PCYT1A: variants seen among roughly 807,000 people sequenced by gnomAD.
PCYT1A encodes phosphate cytidylyltransferase 1A, choline.
In PCYT1A, 25 loss-of-function variants were observed where a neutral mutation model predicts 43.7. The observed-to-expected ratio is 0.57, with a 90% confidence interval of 0.42 to 0.80. The LOEUF (loss-of-function observed/expected upper bound fraction) is 0.80. Among genes scored for constraint, PCYT1A ranks in the 30% least tolerant of loss-of-function variants. The pLI is 0.00. For synonymous variants in PCYT1A, 172 were observed against 170.7 expected (o/e 1.01, Z -0.06); for missense variants, 421 against 474.2 (o/e 0.89, Z 1.04).
intron 2 of PCYT1A, among the ~76,000 whole-genome samples, chr3:196,269,763 G>GA (rs563386052): frequency 6.6e-6 from 1 of 152,072 alleles, no homozygotes; most frequent in Non-Finnish European, 1.5e-5. Flanking sequence ...GATAGAGGGA[G>GA]AAAAAACAGC....
intron 5 of PCYT1A, among the ~76,000 whole-genome samples, chr3:196,243,681 A>G (rs992312398): frequency 4.6e-5 from 7 of 152,290 alleles, no homozygotes; most frequent in South Asian, 4.1e-4. Context: ...TTGCAGGCGC[A>G]CGCCGCCACG....
chr3:196,241,578 G>A lies in PCYT1A; in HGVS notation c.708+370C>T, dbSNP rs188709567. ...AGGTCTGTGTGGGAAGTGGTGTGTC[G>A]GGTGTCACTATCCACACGAGGAGGG... On this transcript the variant is annotated intron_variant, in intron 7 of 8. Transcript: ENST00000431016. 1,897 of 1,302,114 alleles carry A rather than the reference G, an allele frequency of 1.5e-3. 1 individual carries two copies. The highest frequency in any genetic ancestry group is 1.8e-3 in the Non-Finnish European group (1,831 of 997,098). The allele number at this position is 1,302,114 out of a possible 1,614,324, so 80.7% of individuals were successfully genotyped here.
chr3:196,283,031 A>G (rs966905967), intron 1 of PCYT1A, among the ~76,000 whole-genome samples: 1 of 152,198 alleles, frequency 6.6e-6, no homozygotes, highest in African/African-American at 2.4e-5. Context: ...TTGTGGTACA[A>G]GAGAATTCCC....
chr3:196,241,731 C>A, intron 7 of PCYT1A: 1 of 1,339,750 alleles, frequency 7.5e-7, no homozygotes, highest in Non-Finnish European at 1.0e-6. Flanking sequence ...ATTTAGTTGG[C>A]TGTATGGCTT....
At chr3:196,267,642 A>C (rs1458850432) in intron 2 of PCYT1A, among the ~76,000 whole-genome samples, 1 of 152,040 alleles carries the variant, frequency 6.6e-6, no homozygotes, top group Non-Finnish European at 1.5e-5. Flanking sequence ...GTTTGAGCCC[A>C]GAAAGTTGAG....
Position 196,242,060 on chromosome 3 carries a change from C to T in PCYT1A, c.596G>A (p.Gly199Asp), listed in dbSNP as rs1295174913. ...GMFAPTQRTE[G>D]ISTSDIITRI... ...GGTGATGATGTCTGATGTGGAGATA[C>T]CTTCTGTCCTCTGTGTTGGAGCAAA... The change falls in exon 7 of 9, where the codon GGT becomes GAT. Residue 199 changes from glycine (G) to aspartate (D), a missense_variant. Gly to Asp is a moderately conservative substitution (Grantham distance 94). This residue lies in a region of PCYT1A where 174 missense variants were observed against 270.7 expected (regional missense o/e 0.64). Transcript: ENST00000431016. The surrounding 1 kb of genome is among the most constrained non-coding windows in gnomAD (Gnocchi z 4.2). 2 of 1,614,082 alleles carry T rather than the reference C, an allele frequency of 1.2e-6. No homozygotes were observed. The highest frequency in any genetic ancestry group is 8.5e-7 in the Non-Finnish European group (1 of 1,180,010).
chr3:196,278,825 C>T (rs1259917367), intron 1 of PCYT1A, among the ~76,000 whole-genome samples: 1 of 151,484 alleles, frequency 6.6e-6, no homozygotes, highest in Non-Finnish European at 1.5e-5. Context: ...ACTAAAAAGA[C>T]AAATAATTAG....
intron 3 of PCYT1A, among the ~76,000 whole-genome samples, chr3:196,253,686 C>T (rs1724869264): frequency 6.6e-6 from 1 of 152,154 alleles, no homozygotes; most frequent in Non-Finnish European, 1.5e-5. Context: ...CTCTCCAGTG[C>T]TTCCCCAGCC....
chr3:196,242,175 TC>T lies in PCYT1A; in HGVS notation c.566-86del. On this transcript the variant is annotated intron_variant, in intron 6 of 8. Coordinates refer to ENST00000431016, the MANE Select transcript of PCYT1A (RefSeq NM_001312673.2). The surrounding 1 kb of genome is among the most constrained non-coding windows in gnomAD (Gnocchi z 4.2). Reference sequence around the variant, plus strand: ...ACTAAATGGAAATTGGGGGCAACATTCCTTTCCTTTCCTCAAAAAGCAGAAT... The same window carrying T: ...ACTAAATGGAAATTGGGGGCAACATTCTTTCCTTTCCTCAAAAAGCAGAAT... 7.7e-7 allele frequency: 1 copy of T among 1,296,160 alleles called. No homozygotes were observed. The highest frequency in any genetic ancestry group is 1.1e-6 in the Non-Finnish European group (1 of 904,434). The allele number at this position is 1,296,160 out of a possible 1,614,324, so 80.3% of individuals were successfully genotyped here.
At chr3:196,254,269 A>G (rs1724890092) in intron 3 of PCYT1A, among the ~76,000 whole-genome samples, 1 of 151,658 alleles carries the variant, frequency 6.6e-6, no homozygotes, top group Non-Finnish European at 1.5e-5. Flanking sequence ...CTTATGATCC[A>G]CCCACCTCAG....
At chr3:196,272,955 G>A (rs1255054613) in intron 1 of PCYT1A, among the ~76,000 whole-genome samples, 3 of 152,260 alleles carry the variant, frequency 2.0e-5, no homozygotes, top group Non-Finnish European at 4.4e-5. Context: ...TGCTCAGCTT[G>A]TGTTACCAGC....
intron 1 of PCYT1A, among the ~76,000 whole-genome samples, chr3:196,285,317 G>C (rs2108784996): frequency 6.6e-6 from 1 of 152,176 alleles, no homozygotes; most frequent in African/African-American, 2.4e-5. Flanking sequence ...AAATTAGCCA[G>C]GCATGGTGGC....
intron 8 of PCYT1A, 48 bp downstream of exon 8, chr3:196,239,499 T>C (rs868833058): frequency 4.8e-6 from 6 of 1,253,048 alleles, no homozygotes; most frequent in Middle Eastern, 3.8e-4. Flanking sequence ...TCTGTCATTC[T>C]TTCCACAACA....
At chr3:196,266,404 C>T (rs760484546) in intron 2 of PCYT1A, among the ~76,000 whole-genome samples, 1 of 151,632 alleles carries the variant, frequency 6.6e-6, no homozygotes, top group Non-Finnish European at 1.5e-5. Context: ...ACCCAGGAGG[C>T]GGAGCTTGCA....
intron 2 of PCYT1A, among the ~76,000 whole-genome samples, chr3:196,266,844 T>G (rs1364572788): frequency 6.6e-6 from 1 of 151,648 alleles, no homozygotes; most frequent in African/African-American, 2.4e-5. Flanking sequence ...ACCGCTGCAT[T>G]CCAGCCTGGG....
chr3:196,239,688 T>C lies in PCYT1A; in HGVS notation c.756A>G (p.Lys252=), dbSNP rs1724293807. The C allele has an allele frequency of 1.2e-6, 2 of 1,612,360 alleles. No individual in the cohort carries two copies. Among genetic ancestry groups the C allele is most frequent in the Non-Finnish European group, 1.7e-6 (2 of 1,178,358 alleles). ...LQERVDKVKK[K]VKDVEEKSKE... ...TTGACTTTTCCTCCACATCTTTCAC[T>C]TTCTTCTTTACTTTGTCAACCCTCT... is the stretch of plus-strand genomic sequence containing the variant. The change falls in exon 8 of 9, where the codon AAA becomes AAG. Residue 252 remains lysine (K), a synonymous_variant. Coordinates refer to ENST00000431016, the MANE Select transcript of PCYT1A (RefSeq NM_001312673.2).
chr3:196,245,755 G>C (rs1352254522), intron 5 of PCYT1A, among the ~76,000 whole-genome samples: 1 of 152,008 alleles, frequency 6.6e-6, no homozygotes, highest in Non-Finnish European at 1.5e-5. Flanking sequence ...TTCAAGACCA[G>C]CCTGGCCAAA....
chr3:196,255,758 C>A (rs1275918798), intron 3 of PCYT1A, among the ~76,000 whole-genome samples: 1 of 152,138 alleles, frequency 6.6e-6, no homozygotes, highest in East Asian at 1.9e-4. Flanking sequence ...TTATGTACCA[C>A]AAATGATATA....
chr3:196,259,473 G>A (rs1725043962), intron 2 of PCYT1A, among the ~76,000 whole-genome samples: 2 of 152,228 alleles, frequency 1.3e-5, no homozygotes, highest in South Asian at 4.1e-4. Context: ...GGAAGATACT[G>A]TTTTGTTTTC....
Sources: allele counts gnomAD v4.1 joint callset (sites outside exome capture counted in the v4.1 genomes callset), GRCh38; gene constraint gnomAD v4.1.1; regional missense constraint gnomAD v4.1.1; non-coding constraint Gnocchi (gnomAD v3.1); transcripts MANE v1.5; gene names NCBI Gene and HGNC (gene_info 2026-07-23, HGNC 2026-07-21).